Variants in ACACB observed in about 807,000 individuals in gnomAD.
The protein encoded by ACACB is acetyl-CoA carboxylase 2.
A neutral mutation model predicts 278.8 loss-of-function variants in ACACB; 209 were observed. The observed-to-expected ratio is 0.75, with a 90% CI of 0.67 to 0.84. The LOEUF (loss-of-function observed/expected upper bound fraction) is 0.84. Among genes scored for constraint, ACACB ranks in the 40% least tolerant of loss-of-function variants. The probability of loss-of-function intolerance (pLI) is 0.00; values close to 1 mark genes in which losing one functional copy is unlikely to be tolerated. For missense variants in ACACB, 2,850 were observed against 3,269.0 expected, an observed-to-expected ratio of 0.87 and a Z score of 3.13; for synonymous variants, 1,174 against 1,285.6, an observed-to-expected ratio of 0.91 and a Z score of 1.86.
Position 109,167,119 on chromosome 12 carries a change from C to T in ACACB, c.786+126C>T, listed in dbSNP as rs181292102. On this transcript the variant is annotated intron_variant, in intron 3 of 52. Transcript: ENST00000338432. Reference sequence around the variant, plus strand: ...TGCTGCAGAGAGGGGGTGAGGGCCACGCTCCTCTGAGTTTTAATAGTTTAA... The same window carrying T: ...TGCTGCAGAGAGGGGGTGAGGGCCATGCTCCTCTGAGTTTTAATAGTTTAA... The T allele has an allele frequency of 1.9e-4, 240 of 1,234,168 alleles. No homozygotes were observed. In the African/African-American group the frequency reaches 2.8e-3, roughly 14 times the overall value. The allele number at this position is 1,234,168 out of a possible 1,614,324, so 76.5% of individuals were successfully genotyped here.
rs151159795 is a variant in ACACB, at chr12:109,264,356, C to T, written c.6912C>T (p.Pro2304=). 139 of 1,613,896 alleles carry T rather than the reference C, an allele frequency of 8.6e-5. 1 individual carries two copies. The highest frequency in any genetic ancestry group is 2.3e-4 in the African/African-American group (17 of 74,854). Residue 2304 remains proline (P), a synonymous_variant, in exon 50 of 53, where the codon CCC becomes CCT. Coordinates refer to ENST00000338432, the MANE Select transcript of ACACB (RefSeq NM_001093.4). The part of the protein sequence containing the change: ...AVQFADFHDT[P]GRMLEKGVIS... The stretch of plus-strand genomic sequence containing the variant: ...AGTTCGCCGACTTCCATGACACACC[C>T]GGCCGGATGCTGGAGAAGGGCGTCA...
chr12:109,235,248 C>T, intron 31 of ACACB, 65 bp from the exon 32 acceptor site: 1 of 1,357,416 alleles, frequency 7.4e-7, no homozygotes, highest in African/African-American at 1.4e-5. Context: ...TGGTAACATG[C>T]AGCAATACTT....
At chr12:109,117,377 AAAG>A (rs1246482691) in intron 1 of ACACB, among the ~76,000 whole-genome samples, 2 of 151,860 alleles carry the variant, frequency 1.3e-5, no homozygotes, top group African/African-American at 4.8e-5. Flanking sequence ...AAAAAAAAGA[AAAG>A]AAAAAGAAAA....
At chr12:109,251,835 T>C (rs1164904190) in intron 41 of ACACB, among the ~76,000 whole-genome samples, 1 of 152,196 alleles carries the variant, frequency 6.6e-6, no homozygotes, top group Non-Finnish European at 1.5e-5. Flanking sequence ...CAATCTTTGT[T>C]AACCATGTTA....
chr12:109,139,671 G>T lies in ACACB; in HGVS notation c.266G>T (p.Arg89Ile), dbSNP rs774959869. 1.9e-6 allele frequency: 3 copies of T among 1,613,916 alleles called. No homozygotes were observed. Among genetic ancestry groups the T allele is most frequent in the Non-Finnish European group, 1.7e-6 (2 of 1,179,978 alleles). Residue 89 changes from arginine (R) to isoleucine (I), a missense_variant, in exon 2 of 53, where the codon AGA becomes ATA. Arg to Ile is a moderately conservative substitution (Grantham distance 97). Transcript: ENST00000338432. ...HKGPKDAGRRRNSLPPSHQKP... is the reference protein window; with the variant it reads ...HKGPKDAGRRINSLPPSHQKP... Reference sequence around the variant, plus strand: ...GGCCCCAAAGATGCCGGTCGGCGGAGAAACTCCCTACCACCCTCCCACCAG... The same window carrying T: ...GGCCCCAAAGATGCCGGTCGGCGGATAAACTCCCTACCACCCTCCCACCAG...
Position 109,193,651 on chromosome 12 carries a change from C to T in ACACB, c.2403C>T (p.Gly801=). ...MTDFLHSLER[G]QVLPADSLLN... ...ACAACCCTGTCTTTTCTTTCAGGGGCCAGGTCCTCCCAGCGGATTCACTAC... is the reference window on the plus strand; with the variant it reads ...ACAACCCTGTCTTTTCTTTCAGGGGTCAGGTCCTCCCAGCGGATTCACTAC... The change falls in exon 16 of 53, where the codon GGC becomes GGT. Residue 801 remains glycine (G), a synonymous_variant. Transcript: ENST00000338432. 6.2e-7 allele frequency: 1 copy of T among 1,613,090 alleles called. No individual in the cohort carries two copies. The highest frequency in any genetic ancestry group is 1.1e-5 in the South Asian group (1 of 91,064).
chr12:109,234,258 A>G (rs2046567242), intron 31 of ACACB, among the ~76,000 whole-genome samples: 1 of 152,188 alleles, frequency 6.6e-6, no homozygotes, highest in African/African-American at 2.4e-5. Flanking sequence ...ACGGTGTTGC[A>G]ATGATTCAAT....
chr12:109,137,211 C>T (rs1166684619), intron 1 of ACACB, among the ~76,000 whole-genome samples: 3 of 152,118 alleles, frequency 2.0e-5, no homozygotes, highest in Non-Finnish European at 4.4e-5. Context: ...GAAAAAACCC[C>T]TCTGACCCTG....
At chr12:109,255,952 G>T (rs1221722687) in intron 44 of ACACB, among the ~76,000 whole-genome samples, 188 bp from the exon 45 acceptor site, 1 of 152,210 alleles carries the variant, frequency 6.6e-6, no homozygotes, top group Non-Finnish European at 1.5e-5. Context: ...TTGCAGCCCT[G>T]TTTGTCTTTT....
intron 2 of ACACB, among the ~76,000 whole-genome samples, chr12:109,157,448 T>G (rs946475460): frequency 6.6e-6 from 1 of 151,938 alleles, no homozygotes; most frequent in Non-Finnish European, 1.5e-5. Flanking sequence ...ATTTTTGTAT[T>G]TTTTAGAGAG....
At chr12:109,231,723 C>G (rs2046477211) in intron 28 of ACACB, among the ~76,000 whole-genome samples, 1 of 152,202 alleles carries the variant, frequency 6.6e-6, no homozygotes, top group South Asian at 2.1e-4. Context: ...CAGAGGAAAG[C>G]AGGTGTGCTG....
In ACACB at chr12:109,232,770, C is replaced by A. The variant is rs2046511441; in HGVS notation, c.4103C>A (p.Ala1368Asp). 6.2e-7 allele frequency: 1 copy of A among 1,614,132 alleles called. No individual in the cohort carries two copies. Among genetic ancestry groups the A allele is most frequent in the Admixed American group, 1.7e-5 (1 of 60,002 alleles). ...GFSPLCQRMGAMVAFRRFEDF... is the reference protein window; with the variant it reads ...GFSPLCQRMGDMVAFRRFEDF... ...TCCCCACTGTGCCAGCGCATGGGAG[C>A]CATGGTAGCCTTCAGGAGATTCGAG... is the stretch of plus-strand genomic sequence containing the variant. The change falls in exon 29 of 53, where the codon GCC (alanine) becomes GAC (aspartate). Residue 1368 changes from alanine to aspartate, a missense_variant. This residue lies in a region of ACACB where 2,265 missense variants were observed against 2,561.3 expected (regional missense o/e 0.88). Coordinates refer to ENST00000338432, the MANE Select transcript of ACACB (RefSeq NM_001093.4).
At chr12:109,186,178 G>A (rs566885820) in intron 12 of ACACB, among the ~76,000 whole-genome samples, 15 of 152,210 alleles carry the variant, frequency 9.9e-5, no homozygotes, top group Admixed American at 2.0e-4. Context: ...TGATCCACCC[G>A]CCTCGGCCTC....
chr12:109,219,652 A>G (rs2046104135), intron 24 of ACACB, among the ~76,000 whole-genome samples: 1 of 152,232 alleles, frequency 6.6e-6, no homozygotes, highest in South Asian at 2.1e-4. Context: ...ACTGACTTTC[A>G]GAAAAAGAGA....
chr12:109,163,478 T>C (rs1485396189), intron 2 of ACACB, among the ~76,000 whole-genome samples: 1 of 151,766 alleles, frequency 6.6e-6, no homozygotes, highest in East Asian at 1.9e-4. Context: ...GTTTAGAAGA[T>C]GAGGCTGAGA....
intron 10 of ACACB, 133 bp from the exon 11 acceptor site, chr12:109,179,784 C>T (rs1469963098): frequency 2.8e-6 from 3 of 1,072,078 alleles, no homozygotes; most frequent in South Asian, 1.6e-5. Flanking sequence ...AGCCACCACA[C>T]CTGGCCAGTC....
At position 109,158,702 on chromosome 12, in the gene ACACB, G is replaced by A. The variant is rs114152134; in HGVS notation, c.654-8159G>A. On this transcript the variant is annotated intron_variant, in intron 2 of 52. Transcript: ENST00000338432. The stretch of plus-strand genomic sequence containing the variant: ...ATAAAAAACAAATAAGGCTGGGTGC[G>A]GTGGCTCACACTTGTGGTCCCAGCA... Among the ~76,000 whole-genome samples, 296 of 152,226 alleles carry A rather than the reference G, an allele frequency of 1.9e-3. 3 individuals are homozygous for A. Among genetic ancestry groups the A allele is most frequent in the African/African-American group, 6.8e-3 (282 of 41,542 alleles).
At chr12:109,121,990 A>G (rs1000901106) in intron 1 of ACACB, among the ~76,000 whole-genome samples, 1 of 152,206 alleles carries the variant, frequency 6.6e-6, no homozygotes, top group African/African-American at 2.4e-5. Flanking sequence ...ACTGAAGCCA[A>G]CCATCAGAAA....
intron 37 of ACACB, 150 bp downstream of exon 37, chr12:109,242,742 C>A (rs2046835889): frequency 1.0e-5 from 9 of 867,946 alleles, no homozygotes; most frequent in South Asian, 7.9e-5. Flanking sequence ...AATCCCAGCA[C>A]TTCGGGAGGC....
Sources: allele counts gnomAD v4.1 joint callset (sites outside exome capture counted in the v4.1 genomes callset), GRCh38; gene constraint gnomAD v4.1.1; regional missense constraint gnomAD v4.1.1; transcripts MANE v1.5; gene names NCBI Gene and HGNC (gene_info 2026-07-23, HGNC 2026-07-21).